Variants in UQCRH observed in about 807,000 individuals in gnomAD.
UQCRH encodes the protein ubiquinol-cytochrome c reductase hinge protein.
A neutral mutation model predicts 16.3 loss-of-function variants in UQCRH; 14 were observed. The observed-to-expected ratio is 0.86, with a 90% CI of 0.57 to 1.34. UQCRH has a LOEUF of 1.34. Among genes scored for constraint, UQCRH ranks in the 40% most tolerant of loss-of-function variants. The probability of loss-of-function intolerance (pLI) is 0.00; values close to 1 mark genes in which losing one functional copy is unlikely to be tolerated. For synonymous variants in UQCRH, 41 were observed against 41.9 expected (o/e 0.98, Z 0.08); for missense variants, 89 against 111.9 (o/e 0.80, Z 0.92).
At chr1:46,314,802 G>C (rs139998455) in intron 3 of UQCRH, among the ~76,000 whole-genome samples, 6 of 152,108 alleles carry the variant, frequency 3.9e-5, no homozygotes, top group African/African-American at 1.4e-4. Flanking sequence ...ACCTAGAATA[G>C]CAGTCACATT....
chr1:46,312,130 C>G (rs1023533630), intron 3 of UQCRH, among the ~76,000 whole-genome samples: 8 of 151,466 alleles, frequency 5.3e-5, no homozygotes, highest in Admixed American at 5.3e-4. Flanking sequence ...GAGTTGCACT[C>G]TGTCACCCAG....
At chr1:46,305,614 C>T (rs760389272) in intron 1 of UQCRH, among the ~76,000 whole-genome samples, 1 of 151,646 alleles carries the variant, frequency 6.6e-6, no homozygotes, top group Admixed American at 6.6e-5. Flanking sequence ...ATTAGCCGGG[C>T]GTGGCGGCGG....
intron 3 of UQCRH, among the ~76,000 whole-genome samples, chr1:46,315,139 A>G (rs935784563): frequency 1.3e-5 from 2 of 152,132 alleles, no homozygotes; most frequent in African/African-American, 4.8e-5. Context: ...TGTCTCTACT[A>G]AAATAAAAAA....
At chr1:46,307,137 T>C (rs1328185235) in intron 1 of UQCRH, among the ~76,000 whole-genome samples, 1 of 152,136 alleles carries the variant, frequency 6.6e-6, no homozygotes, top group Non-Finnish European at 1.5e-5. Context: ...CTCTGCCTCC[T>C]GGTTTCAGGT....
chr1:46,309,858 C>A (rs1661436217), intron 2 of UQCRH: 1 of 1,335,626 alleles, frequency 7.5e-7, no homozygotes, highest in Non-Finnish European at 9.6e-7. Flanking sequence ...AGATCTACTT[C>A]AAGTTTGGCC....
At position 46,309,113 on chromosome 1, in the gene UQCRH, G is replaced by A. The variant is rs751322279; in HGVS notation, c.67G>A (p.Glu23Lys). 31 of 1,613,118 alleles carry A rather than the reference G, an allele frequency of 1.9e-5. No individual in the cohort carries two copies. In the South Asian group the frequency reaches 3.3e-4, roughly 17 times the overall value. ...SGDPEEEEEE[E>K]EELVDPLTTV... ...TTTCCTTTTGTAGGAGGAAGAGGAA[G>A]AGGAGGAATTAGTGGTAAGAACTGT... is the stretch of plus-strand genomic sequence containing the variant. Residue 23 changes from glutamate (E) to lysine (K), a missense_variant, in exon 2 of 4, where the codon GAG becomes AAG. Transcript: ENST00000311672.
At chr1:46,315,232 G>A (rs549753613) in intron 3 of UQCRH, among the ~76,000 whole-genome samples, 1 of 152,274 alleles carries the variant, frequency 6.6e-6, no homozygotes, top group African/African-American at 2.4e-5. Flanking sequence ...ATCACCTGAG[G>A]TCGGGAGTTC....
In UQCRH at chr1:46,310,418, G is replaced by T. The variant is rs539193192; in HGVS notation, c.243+102G>T. 2.6e-6 allele frequency: 4 copies of T among 1,549,014 alleles called. No individual in the cohort carries two copies. In the African/African-American group the frequency reaches 5.5e-5, roughly 21 times the overall value. On this transcript the variant is annotated intron_variant, in intron 3 of 3. Coordinates refer to ENST00000311672, the MANE Select transcript of UQCRH (RefSeq NM_006004.4). ...TAGGGAAAGGCCCATCAGTTACTCT[G>T]GGCCCAATATATGTGACATATGGTG...
At chr1:46,305,572 G>T (rs1431518529) in intron 1 of UQCRH, among the ~76,000 whole-genome samples, 1 of 151,130 alleles carries the variant, frequency 6.6e-6, no homozygotes, top group Non-Finnish European at 1.5e-5. Flanking sequence ...GGCTAACATG[G>T]TGAAACCCCT....
At chr1:46,306,767 C>G (rs1407972381) in intron 1 of UQCRH, among the ~76,000 whole-genome samples, 1 of 152,156 alleles carries the variant, frequency 6.6e-6, no homozygotes, top group African/African-American at 2.4e-5. Flanking sequence ...TAGAAGAAAC[C>G]TTTGCCAATT....
chr1:46,309,821 G>C (rs1030229884), intron 2 of UQCRH: 84 of 1,245,180 alleles, frequency 6.7e-5, no homozygotes, highest in Non-Finnish European at 8.3e-5. Flanking sequence ...ATTCCAAAAT[G>C]CTGTGTTAAC....
At chr1:46,310,657 G>A (rs1005737307) in intron 3 of UQCRH, among the ~76,000 whole-genome samples, 2 of 152,022 alleles carry the variant, frequency 1.3e-5, no homozygotes, top group South Asian at 2.1e-4. Context: ...TTCTAGTGAC[G>A]GGGCCTTGTT....
At chr1:46,312,808 G>A (rs1431148538) in intron 3 of UQCRH, among the ~76,000 whole-genome samples, 1 of 152,018 alleles carries the variant, frequency 6.6e-6, no homozygotes. Flanking sequence ...GTTTGATGTG[G>A]TTGCTTCTAT....
At chr1:46,310,348 G>T in intron 3 of UQCRH, 32 bp downstream of exon 3, 1 of 1,613,740 alleles carries the variant, frequency 6.2e-7, no homozygotes, top group African/African-American at 1.3e-5. Flanking sequence ...AAGGGGAAAG[G>T]TTGCAATGGT....
chr1:46,315,327 C>G (rs1008139323), intron 3 of UQCRH, among the ~76,000 whole-genome samples: 1 of 152,074 alleles, frequency 6.6e-6, no homozygotes, highest in Admixed American at 6.6e-5. Flanking sequence ...GCCTATAATC[C>G]CAGCTACTAG....
intron 1 of UQCRH, among the ~76,000 whole-genome samples, chr1:46,304,724 T>TA (rs1207970661): frequency 1.3e-5 from 2 of 152,094 alleles, no homozygotes; most frequent in African/African-American, 4.8e-5. Flanking sequence ...ATGAAGTAAG[T>TA]GTTGGGTACT....
intron 1 of UQCRH, among the ~76,000 whole-genome samples, chr1:46,307,917 G>A (rs1661404294): frequency 6.6e-6 from 1 of 152,176 alleles, no homozygotes; most frequent in Non-Finnish European, 1.5e-5. Flanking sequence ...ACTAAATTTT[G>A]CTATTTGTAG....
chr1:46,311,275 G>A (rs1017302810), intron 3 of UQCRH, among the ~76,000 whole-genome samples: 10 of 148,612 alleles, frequency 6.7e-5, no homozygotes, highest in African/African-American at 2.2e-4. Flanking sequence ...AAAATAATTT[G>A]TATTGGCCGG....
At chr1:46,309,065 A>C (rs199727654) in intron 1 of UQCRH, 36 bp from the exon 2 acceptor site, 3 of 1,610,996 alleles carry the variant, frequency 1.9e-6, no homozygotes, top group Non-Finnish European at 2.5e-6. Context: ...ATGTCATAAA[A>C]TTGCTGCTGA....
Sources: gnomAD v4.1 joint callset for allele counts (sites outside exome capture counted in the v4.1 genomes callset) on GRCh38, gnomAD v4.1.1 for gene constraint, MANE v1.5 for transcripts, NCBI Gene and HGNC (gene_info 2026-07-23, HGNC 2026-07-21) for gene names.